SLC22A25: variants seen among roughly 807,000 people sequenced by gnomAD.
SLC22A25 encodes the protein solute carrier family 22 member 25.
SLC22A25 carries 44 observed loss-of-function variants against 45.9 expected under a neutral mutation model. That is an observed-to-expected ratio of 0.96 (90% CI 0.75 to 1.23). The LOEUF is 1.23. Among genes scored for constraint, SLC22A25 ranks in the 50% most tolerant of loss-of-function variants. SLC22A25 has a pLI of 0.00. For synonymous variants in SLC22A25, 283 were observed against 238.6 expected (o/e 1.19, Z -1.72); for missense variants, 800 against 666.4 (o/e 1.20, Z -2.21).
intron 10 of SLC22A25, 79 bp from the exon 11 acceptor site, chr11:63,164,713 A>G (rs2087620911): frequency 2.5e-6 from 3 of 1,183,048 alleles, no homozygotes; most frequent in Non-Finnish European, 2.5e-6. Context: ...AGTGAAAAGG[A>G]CTGCTTTGGA....
rs536559201 is a variant in SLC22A25, at chr11:63,190,795, A to G, written c.831-6978T>C. Among the ~76,000 whole-genome samples, 342 of 152,068 alleles carry G rather than the reference A, an allele frequency of 2.2e-3. 2 individuals are homozygous for G. Among genetic ancestry groups the G allele is most frequent in the Non-Finnish European group, 3.4e-4 (23 of 67,976 alleles). The stretch of plus-strand genomic sequence containing the variant: ...GGACCTTCAGCTGCAGGTCTGTTGG[A>G]GTTTGCTGGAGGTCTACTCCAGACC... On this transcript the variant is annotated intron_variant, in intron 7 of 11. Transcript: ENST00000306494.
rs2088416114 is a variant in SLC22A25 at position 63,183,774 on chromosome 11, G to A, written c.874C>T (p.Pro292Ser). The A allele has an allele frequency of 1.9e-6, 3 of 1,613,080 alleles. No individual in the cohort carries two copies. The highest frequency in any genetic ancestry group is 2.5e-6 in the Non-Finnish European group (3 of 1,179,376). The change falls in exon 8 of 12, where the codon CCA (proline) becomes TCA (serine). Residue 292 changes from proline to serine, a missense_variant. Coordinates refer to ENST00000306494, the MANE Select transcript of SLC22A25 (RefSeq NM_199352.6). The stretch of plus-strand genomic sequence containing the variant: ...CTAAGTTCCTTTAAGCCCTCTTCTG[G>A]TTTGTTGTTGATAATGAGCCACCGA... ...SARWLIINNK[P>S]EEGLKELRKA...
intron 7 of SLC22A25, among the ~76,000 whole-genome samples, chr11:63,211,752 C>A (rs1189777276): frequency 6.6e-6 from 1 of 152,096 alleles, no homozygotes; most frequent in Non-Finnish European, 1.5e-5. Context: ...AGGACATAGG[C>A]ATGGGCAAGG....
At chr11:63,190,051 T>A (rs1461504546) in intron 7 of SLC22A25, among the ~76,000 whole-genome samples, 1 of 152,146 alleles carries the variant, frequency 6.6e-6, no homozygotes, top group Non-Finnish European at 1.5e-5. Flanking sequence ...AGGAGTATCT[T>A]TGTGGTGTTC....
At chr11:63,213,029 G>A (rs1006420369) in intron 7 of SLC22A25, among the ~76,000 whole-genome samples, 1 of 152,184 alleles carries the variant, frequency 6.6e-6, no homozygotes, top group Non-Finnish European at 1.5e-5. Flanking sequence ...TTTTTGAGAG[G>A]TTGGATATCT....
Position 63,217,404 on chromosome 11 carries a change from G to A in SLC22A25, c.740C>T (p.Thr247Ile). The A allele has an allele frequency of 6.2e-7, 1 of 1,614,012 alleles. No homozygotes were observed. The highest frequency in any genetic ancestry group is 8.5e-7 in the Non-Finnish European group (1 of 1,180,004). Residue 247 changes from threonine (T) to isoleucine (I), a missense_variant, in exon 7 of 12, where the codon ACC (threonine) becomes ATC (isoleucine). Thr to Ile is a moderately conservative substitution (Grantham distance 89). Transcript: ENST00000306494. ...AATGACAAAAGCCAGGCTTCCCAGG[G>A]TTATATGTCCAATACTAGCAGCACA... ...TLCAASIGHI[T>I]LGSLAFVIRD...
At chr11:63,223,033 C>T (rs755211250) in intron 5 of SLC22A25, among the ~76,000 whole-genome samples, 1 of 151,826 alleles carries the variant, frequency 6.6e-6, no homozygotes, top group Non-Finnish European at 1.5e-5. Context: ...TTTGCTAGTA[C>T]TTTGTGGAGA....
At chr11:63,204,404 C>G (rs2089337705) in intron 7 of SLC22A25, among the ~76,000 whole-genome samples, 1 of 152,154 alleles carries the variant, frequency 6.6e-6, no homozygotes, top group Non-Finnish European at 1.5e-5. Flanking sequence ...GTGCTGTATT[C>G]AGGAGATCCA....
At chr11:63,210,601 G>A (rs1024291502) in intron 7 of SLC22A25, among the ~76,000 whole-genome samples, 5 of 152,170 alleles carry the variant, frequency 3.3e-5, no homozygotes, top group Non-Finnish European at 4.4e-5. Context: ...TTGGCTTAGG[G>A]GGCTGAGAAT....
chr11:63,226,749 C>T (rs534113586), intron 5 of SLC22A25, among the ~76,000 whole-genome samples: 1 of 152,254 alleles, frequency 6.6e-6, no homozygotes, highest in Non-Finnish European at 1.5e-5. Flanking sequence ...TCCCCTTGGC[C>T]CCAGGCAAAT....
intron 3 of SLC22A25, among the ~76,000 whole-genome samples, chr11:63,237,168 C>A (rs949823350): frequency 6.6e-6 from 1 of 151,984 alleles, no homozygotes; most frequent in Non-Finnish European, 1.5e-5. Flanking sequence ...AACATGGGAA[C>A]AATAGACACT....
At chr11:63,232,398 G>A (rs2090086017) in intron 3 of SLC22A25, among the ~76,000 whole-genome samples, 1 of 152,106 alleles carries the variant, frequency 6.6e-6, no homozygotes, top group Non-Finnish European at 1.5e-5. Flanking sequence ...TGAAGCAATT[G>A]TGAATGGGAA....
At chr11:63,177,371 TG>T (rs2088129434) in intron 9 of SLC22A25, among the ~76,000 whole-genome samples, 1 of 107,436 alleles carries the variant, frequency 9.3e-6, no homozygotes, top group Non-Finnish European at 2.1e-5. Context: ...TGTGTGTGTG[TG>T]TGTGTGTGTG....
chr11:63,211,357 G>A (rs2089555158), intron 7 of SLC22A25, among the ~76,000 whole-genome samples: 1 of 152,182 alleles, frequency 6.6e-6, no homozygotes, highest in Non-Finnish European at 1.5e-5. Flanking sequence ...AGGATCTCCA[G>A]GCGGTAAACA....
At chr11:63,224,147 G>A (rs187750812) in intron 5 of SLC22A25, among the ~76,000 whole-genome samples, 86 of 152,092 alleles carry the variant, frequency 5.7e-4, no homozygotes, top group Admixed American at 1.2e-3. Flanking sequence ...AATGTTGTGC[G>A]TATATATTTA....
At chr11:63,172,718 A>G (rs1452942130) in intron 9 of SLC22A25, among the ~76,000 whole-genome samples, 2 of 151,636 alleles carry the variant, frequency 1.3e-5, no homozygotes, top group Non-Finnish European at 2.9e-5. Context: ...TTAGGAAACA[A>G]CAGATGCTGA....
intron 1 of SLC22A25, among the ~76,000 whole-genome samples, chr11:63,239,790 T>C (rs1371364958): frequency 6.6e-6 from 1 of 152,202 alleles, no homozygotes; most frequent in Non-Finnish European, 1.5e-5. Flanking sequence ...CTAGGCTTGT[T>C]GATTTATTCA....
At chr11:63,181,867 T>A (rs990739299) in intron 8 of SLC22A25, among the ~76,000 whole-genome samples, 10 of 152,098 alleles carry the variant, frequency 6.6e-5, no homozygotes, top group Admixed American at 3.9e-4. Flanking sequence ...TCCAGTTTTC[T>A]CAGTAGTACA....
chr11:63,161,479 A>T lies in SLC22A25; in HGVS notation c.*2345T>A, dbSNP rs891396412. Among the ~76,000 whole-genome samples, 2 of 152,176 alleles carry T rather than the reference A, an allele frequency of 1.3e-5. No homozygotes were observed. The highest frequency in any genetic ancestry group is 2.1e-4 in the South Asian group (1 of 4,820). ...TCTCATCTTGAATTGTAGCTCCCAC[A>T]ATTCCCACACATCATGGGAGGGATC... On this transcript the variant is annotated 3_prime_UTR_variant, in exon 12 of 12. Coordinates refer to ENST00000306494, the MANE Select transcript of SLC22A25 (RefSeq NM_199352.6).
Sources: allele counts gnomAD v4.1 joint callset (sites outside exome capture counted in the v4.1 genomes callset), GRCh38; gene constraint gnomAD v4.1.1; transcripts MANE v1.5; gene names NCBI Gene and HGNC (gene_info 2026-07-23, HGNC 2026-07-21).